The following CEP89 variants were observed in gnomAD, a reference collection of about 807,000 sequenced individuals.
The protein encoded by CEP89 is centrosomal protein of 89 kDa.
CEP89 carries 95 observed loss-of-function variants against 97.6 expected under a neutral mutation model. The ratio of observed to expected loss-of-function variants is 0.97; its 90% confidence interval spans 0.82 to 1.15. The LOEUF is 1.15. CEP89 is among the 50% of genes most tolerant of loss of function. CEP89 has a pLI of 0.00. For missense variants in CEP89, 869 were observed against 947.7 expected (o/e 0.92, Z 1.09); for synonymous variants, 354 against 349.1 (o/e 1.01, Z -0.16).
intron 1 of CEP89, 74 bp from the exon 2 acceptor site, chr19:32,966,540 T>C (rs1971288443): frequency 2.2e-6 from 2 of 898,816 alleles, no homozygotes; most frequent in Non-Finnish European, 3.2e-6. Flanking sequence ...CCACTCTCCC[T>C]GGGCCTGCAA....
intron 12 of CEP89, among the ~76,000 whole-genome samples, chr19:32,919,997 T>G (rs1470967497): frequency 1.3e-5 from 2 of 152,134 alleles, no homozygotes; most frequent in Non-Finnish European, 2.9e-5. Context: ...ATTCATTCAT[T>G]TGTTCACGCC....
At position 32,948,375 on chromosome 19, in the gene CEP89, G is replaced by A. The variant is rs199978332; in HGVS notation, c.493-7C>T. 6.3e-7 allele frequency: 1 copy of A among 1,579,836 alleles called. No homozygotes were observed. The highest frequency in any genetic ancestry group is 2.2e-5 in the East Asian group (1 of 44,680). On this transcript the variant is annotated splice_region_variant and splice_polypyrimidine_tract_variant and intron_variant, in intron 4 of 18. Coordinates refer to ENST00000305768, the MANE Select transcript of CEP89 (RefSeq NM_032816.5). ...CCTCATGTAACAATGGCACCTTTTT[G>A]TTATAAAAGACAAAGGAGCAAAAAA...
intron 3 of CEP89, among the ~76,000 whole-genome samples, chr19:32,956,471 C>G (rs1971051545): frequency 6.6e-6 from 1 of 150,770 alleles, no homozygotes; most frequent in Non-Finnish European, 1.5e-5. Context: ...CTCAAGTGAT[C>G]CTCCTGCCTC....
intron 7 of CEP89, among the ~76,000 whole-genome samples, chr19:32,935,633 C>T (rs558275973): frequency 3.9e-5 from 6 of 152,244 alleles, no homozygotes; most frequent in South Asian, 2.1e-4. Flanking sequence ...TAATCTGACG[C>T]GGAGGAGACT....
At chr19:32,894,504 C>A (rs948815319) in intron 16 of CEP89, among the ~76,000 whole-genome samples, 1 of 152,212 alleles carries the variant, frequency 6.6e-6, no homozygotes, top group African/African-American at 2.4e-5. Flanking sequence ...TATTAACTAC[C>A]AATTCCTGCC....
chr19:32,952,016 G>A (rs1264333962), intron 4 of CEP89, among the ~76,000 whole-genome samples: 1 of 152,172 alleles, frequency 6.6e-6, no homozygotes, highest in Non-Finnish European at 1.5e-5. Context: ...GAGCTCGACA[G>A]GAGCACAGTT....
chr19:32,881,772 A>C, intron 18 of CEP89, 72 bp downstream of exon 18: 1 of 1,403,596 alleles, frequency 7.1e-7, no homozygotes, highest in East Asian at 2.5e-5. Flanking sequence ...ACAGGCCCAG[A>C]GGGTTTTAGC....
At chr19:32,915,602 A>G (rs1970109042) in intron 13 of CEP89, 85 bp from the exon 14 acceptor site, 1 of 1,190,422 alleles carries the variant, frequency 8.4e-7, no homozygotes, top group Non-Finnish European at 1.2e-6. Flanking sequence ...TACTAATGAG[A>G]GTCAGCTGAT....
intron 5 of CEP89, among the ~76,000 whole-genome samples, chr19:32,946,650 T>C (rs773508614): frequency 2.1e-4 from 32 of 152,170 alleles, no homozygotes; most frequent in Admixed American, 1.4e-3. Flanking sequence ...TGGGAGATAA[T>C]TGAATCATGG....
chr19:32,939,792 T>C, intron 6 of CEP89, 65 bp downstream of exon 6: 1 of 783,874 alleles, frequency 1.3e-6, no homozygotes. Context: ...GTTGAAAATT[T>C]ATGAAAAATT....
At chr19:32,952,383 A>G (rs1332355394) in intron 4 of CEP89, among the ~76,000 whole-genome samples, 5 of 151,148 alleles carry the variant, frequency 3.3e-5, no homozygotes, top group East Asian at 1.9e-4. Flanking sequence ...CGGGAGGCTG[A>G]GGTGGGAGGA....
chr19:32,914,741 G>T (rs1970083824), intron 14 of CEP89, among the ~76,000 whole-genome samples: 1 of 152,116 alleles, frequency 6.6e-6, no homozygotes, highest in Admixed American at 6.6e-5. Flanking sequence ...AAAAAGTCAG[G>T]CTGGGCGTGA....
rs751532613 is a variant in CEP89, at chr19:32,953,727, T to G, written c.380A>C (p.Glu127Ala). Residue 127 changes from glutamate to alanine, a missense_variant, in exon 4 of 19, where the codon GAG (glutamate) becomes GCG (alanine). Coordinates refer to ENST00000305768, the MANE Select transcript of CEP89 (RefSeq NM_032816.5). ...GGATGACAGCTGAGTTTCAATGTCC[T>G]CTTCGTCCCCATAGTCCAGTGTTTC... Reference protein sequence around the residue: ...SFETLDYGDEEDIETQLSSSG... With the variant: ...SFETLDYGDEADIETQLSSSG... 1 of 1,614,098 alleles carries G rather than the reference T, an allele frequency of 6.2e-7. No homozygotes were observed. Among genetic ancestry groups the G allele is most frequent in the Non-Finnish European group, 8.5e-7 (1 of 1,179,970 alleles).
chr19:32,954,095 G>C (rs529187790), intron 3 of CEP89, among the ~76,000 whole-genome samples: 2 of 151,644 alleles, frequency 1.3e-5, no homozygotes, highest in Non-Finnish European at 2.9e-5. Context: ...CGGTGGTCTC[G>C]ATCTCCTGAC....
At chr19:32,889,364 G>A (rs1969466809) in intron 16 of CEP89, among the ~76,000 whole-genome samples, 1 of 152,192 alleles carries the variant, frequency 6.6e-6, no homozygotes, top group South Asian at 2.1e-4. Flanking sequence ...AGTCCCTGGT[G>A]ACAGGTGGAG....
At chr19:32,902,696 G>A (rs898303195) in intron 14 of CEP89, among the ~76,000 whole-genome samples, 1 of 152,156 alleles carries the variant, frequency 6.6e-6, no homozygotes, top group African/African-American at 2.4e-5. Context: ...CCAAGAGCAG[G>A]AAGGTCAAGG....
At chr19:32,959,049 A>C (rs202014056) in intron 3 of CEP89, among the ~76,000 whole-genome samples, 21 of 112,746 alleles carry the variant, frequency 1.9e-4, no homozygotes, top group South Asian at 8.4e-4. Context: ...AACAAAACAA[A>C]AAAAAAAAAA....
chr19:32,948,700 G>C (rs1970849160), intron 4 of CEP89, among the ~76,000 whole-genome samples: 1 of 151,956 alleles, frequency 6.6e-6, no homozygotes, highest in Admixed American at 6.6e-5. Context: ...ACTCCACCCT[G>C]GTACTGACAC....
chr19:32,876,439 G>T lies in CEP89; in HGVS notation c.*2723C>A, dbSNP rs919082612. On this transcript the variant is annotated 3_prime_UTR_variant, in exon 19 of 19. Coordinates refer to ENST00000305768, the MANE Select transcript of CEP89 (RefSeq NM_032816.5). Reference sequence around the variant, plus strand: ...AGACACTTGCAGCATGGGGAAGGAGGAGCCCCTCCCAGCAGACCCAGTTCT... The same window carrying T: ...AGACACTTGCAGCATGGGGAAGGAGTAGCCCCTCCCAGCAGACCCAGTTCT... 3.9e-5 allele frequency: 6 copies of T among 152,816 alleles called. No homozygotes were observed. In the East Asian group the frequency reaches 1.2e-3, roughly 29 times the overall value. The allele number at this position is 152,816 out of a possible 1,614,324, so 9.5% of individuals were successfully genotyped here. A position where few individuals can be genotyped will look rare whatever the true frequency, so the allele number is the denominator to read the frequency against.
Sources: allele counts gnomAD v4.1 joint callset (sites outside exome capture counted in the v4.1 genomes callset), GRCh38; gene constraint gnomAD v4.1.1; transcripts MANE v1.5; gene names NCBI Gene and HGNC (gene_info 2026-07-23, HGNC 2026-07-21).